Variants in CACNB4 observed in about 807,000 individuals in gnomAD.
CACNB4 encodes calcium voltage-gated channel auxiliary subunit beta 4, also known as voltage-dependent L-type calcium channel subunit beta-4.
In CACNB4, 32 loss-of-function variants were observed where a neutral mutation model predicts 71.2. The ratio of observed to expected loss-of-function variants is 0.45; its 90% CI spans 0.34 to 0.60. The LOEUF is 0.60. Among genes scored for constraint, CACNB4 ranks in the 20% least tolerant of loss-of-function variants. CACNB4 has a pLI of 0.01. For missense variants in CACNB4, 464 were observed against 647.9 expected (o/e 0.72, Z 3.08); for synonymous variants, 231 against 236.9 (o/e 0.97, Z 0.23).
At chr2:151,904,547 T>G (rs973698499) in intron 2 of CACNB4, among the ~76,000 whole-genome samples, 2 of 151,930 alleles carry the variant, frequency 1.3e-5, no homozygotes, top group African/African-American at 4.8e-5. Flanking sequence ...TCTTTTTTTT[T>G]TTTTTTTGAG....
chr2:152,037,390 C>G (rs1000082442), intron 2 of CACNB4, among the ~76,000 whole-genome samples: 14 of 152,196 alleles, frequency 9.2e-5, no homozygotes, highest in African/African-American at 2.9e-4. Flanking sequence ...ATAAATCCTG[C>G]TTTGGCCCAA....
chr2:152,004,648 T>A (rs1682621848), intron 2 of CACNB4, among the ~76,000 whole-genome samples: 1 of 151,418 alleles, frequency 6.6e-6, no homozygotes, highest in Admixed American at 6.6e-5. Context: ...CAGGAAGGAG[T>A]TGACTTATGA....
At chr2:151,981,080 A>AT (rs78866202) in intron 2 of CACNB4, among the ~76,000 whole-genome samples, 33,194 of 152,136 alleles carry the variant, frequency 0.22, 3,817 homozygotes, top group Middle Eastern at 0.41. Flanking sequence ...AACTTCTCCA[A>AT]CCCCTCAGAC....
intron 2 of CACNB4, among the ~76,000 whole-genome samples, chr2:151,938,216 G>C (rs1179408235): frequency 6.6e-6 from 1 of 152,200 alleles, no homozygotes; most frequent in Admixed American, 6.5e-5. Flanking sequence ...AATAAGGAGA[G>C]TAAAAACCTT....
At chr2:152,043,258 C>T (rs1299786409) in intron 2 of CACNB4, among the ~76,000 whole-genome samples, 1 of 152,210 alleles carries the variant, frequency 6.6e-6, no homozygotes, top group Non-Finnish European at 1.5e-5. Flanking sequence ...CTTGCTTTCA[C>T]TTTATGGATT....
At chr2:152,038,465 A>C (rs1217511962) in intron 2 of CACNB4, among the ~76,000 whole-genome samples, 1 of 152,212 alleles carries the variant, frequency 6.6e-6, no homozygotes, top group African/African-American at 2.4e-5. Flanking sequence ...TGTTCAGCAG[A>C]GATGATGAGC....
At chr2:151,870,351 A>G in intron 8 of CACNB4, 180 bp downstream of exon 8, 1 of 706,254 alleles carries the variant, frequency 1.4e-6, no homozygotes, top group Non-Finnish European at 2.6e-6. Flanking sequence ...GAAGTGTGCA[A>G]GAGAGGAAAG....
intron 10 of CACNB4, chr2:151,859,642 A>G (rs1285876559): frequency 2.0e-5 from 3 of 152,212 alleles, no homozygotes; most frequent in African/African-American, 7.2e-5. Flanking sequence ...TAAATACAAG[A>G]CAAAAGAAGG....
intron 2 of CACNB4, among the ~76,000 whole-genome samples, chr2:152,000,186 A>G (rs1052777551): frequency 6.6e-6 from 1 of 152,086 alleles, no homozygotes; most frequent in Non-Finnish European, 1.5e-5. Flanking sequence ...GGGGCTTTCG[A>G]GCTATGTCCT....
At chr2:151,909,694 A>G (rs1174613367) in intron 2 of CACNB4, among the ~76,000 whole-genome samples, 1 of 151,876 alleles carries the variant, frequency 6.6e-6, no homozygotes, top group Non-Finnish European at 1.5e-5. Flanking sequence ...TTCTTGTGTT[A>G]GTTTGCTGAG....
chr2:151,999,312 G>A (rs889106048), intron 2 of CACNB4, among the ~76,000 whole-genome samples: 1 of 151,370 alleles, frequency 6.6e-6, no homozygotes, highest in Admixed American at 6.6e-5. Context: ...TGGTACCTTC[G>A]GGACAATCCT....
At chr2:151,956,365 A>C (rs1427007250) in intron 2 of CACNB4, among the ~76,000 whole-genome samples, 1 of 152,250 alleles carries the variant, frequency 6.6e-6, no homozygotes, top group African/African-American at 2.4e-5. Context: ...TGGCAATACA[A>C]AGAAATGAAA....
rs111379786 is a variant in CACNB4, at chr2:151,870,396, C to A, written c.699+135G>T. Reference sequence around the variant, plus strand: ...AGGGCCTCATGAGCCCCACACGGTACCCCCTGCCTTCCCATGCTGAGCACT... The same window carrying A: ...AGGGCCTCATGAGCCCCACACGGTAACCCCTGCCTTCCCATGCTGAGCACT... On this transcript the variant is annotated intron_variant, in intron 8 of 13. Transcript: ENST00000539935. 1.1e-5 allele frequency: 8 copies of A among 739,850 alleles called. No homozygotes were observed. In the African/African-American group the frequency reaches 1.2e-4, roughly 11 times the overall value. The allele number at this position is 739,850 out of a possible 1,614,324, so 45.8% of individuals were successfully genotyped here. A position where few individuals can be genotyped will look rare whatever the true frequency, so the allele number is the denominator to read the frequency against.
chr2:152,065,878 A>C (rs1560174601), intron 2 of CACNB4, among the ~76,000 whole-genome samples: 1 of 152,186 alleles, frequency 6.6e-6, no homozygotes, highest in Non-Finnish European at 1.5e-5. Context: ...AGTAGCTGGG[A>C]CTACAGATGT....
At chr2:151,840,518 GC>G (rs2099835898) in intron 13 of CACNB4, among the ~76,000 whole-genome samples, 1 of 152,178 alleles carries the variant, frequency 6.6e-6, no homozygotes, top group African/African-American at 2.4e-5. Flanking sequence ...ACAATTCAGA[GC>G]CAATCCACAC....
At position 151,833,884 on chromosome 2, in the gene CACNB4, A is replaced by G. The variant is rs772165308; in HGVS notation, c.*5235T>C. 50 of 152,112 alleles carry G rather than the reference A, an allele frequency of 3.3e-4. No individual in the cohort carries two copies. The highest frequency in any genetic ancestry group is 1.4e-3 in the Admixed American group (21 of 15,274). The allele number at this position is 152,112 out of a possible 1,614,324, so 9.4% of individuals were successfully genotyped here. ...TTTTCTACTGCTAATGCAGATTATA[A>G]GTAACAACATAGATTTATTTTGGCA... is the stretch of plus-strand genomic sequence containing the variant. On this transcript the variant is annotated 3_prime_UTR_variant, in exon 14 of 14. Coordinates refer to ENST00000539935, the MANE Select transcript of CACNB4 (RefSeq NM_000726.5).
chr2:152,083,975 C>T (rs925492456), intron 2 of CACNB4, among the ~76,000 whole-genome samples: 48 of 152,180 alleles, frequency 3.2e-4, no homozygotes, highest in Non-Finnish European at 5.7e-4. Flanking sequence ...GCTCCACCTC[C>T]ACCACAAGTA....
At chr2:151,936,265 A>G (rs1160403759) in intron 2 of CACNB4, 1 of 152,228 alleles carries the variant, frequency 6.6e-6, no homozygotes, top group African/African-American at 2.4e-5. Flanking sequence ...TTGACTGGAG[A>G]ATTCTGGGGA....
At chr2:151,932,292 G>C (rs2099861814) in intron 2 of CACNB4, among the ~76,000 whole-genome samples, 1 of 152,226 alleles carries the variant, frequency 6.6e-6, no homozygotes, top group Non-Finnish European at 1.5e-5. Flanking sequence ...ACACATCTTG[G>C]AAGAAAGAAT....
Sources: gnomAD v4.1 joint callset for allele counts (sites outside exome capture counted in the v4.1 genomes callset) on GRCh38, gnomAD v4.1.1 for gene constraint, MANE v1.5 for transcripts, NCBI Gene and HGNC (gene_info 2026-07-23, HGNC 2026-07-21) for gene names.